SCUBE1: variants seen among roughly 807,000 people sequenced by gnomAD.
SCUBE1 encodes signal peptide, CUB and EGF-like domain-containing protein 1.
A neutral mutation model predicts 124.4 loss-of-function variants in SCUBE1; 59 were observed. That is an observed-to-expected ratio of 0.47 (90% CI 0.38 to 0.59). The LOEUF is 0.59. Ranked by LOEUF, SCUBE1 falls within the 20% of genes least tolerant of loss-of-function variation. The pLI, the probability that SCUBE1 is intolerant of heterozygous loss-of-function variation, is 0.00. For missense variants in SCUBE1, 1,150 were observed against 1,371.2 expected (o/e 0.84, Z 2.55); for synonymous variants, 545 against 550.9 (o/e 0.99, Z 0.15).
intron 5 of SCUBE1, among the ~76,000 whole-genome samples, chr22:43,261,462 C>T (rs1264605142): frequency 1.3e-5 from 2 of 152,194 alleles, no homozygotes; most frequent in African/African-American, 4.8e-5. Flanking sequence ...ATCTGGTACA[C>T]GTGGGTCCCC....
At chr22:43,241,312 C>T (rs879259631) in intron 6 of SCUBE1, among the ~76,000 whole-genome samples, 12 of 152,104 alleles carry the variant, frequency 7.9e-5, no homozygotes, top group Non-Finnish European at 1.3e-4. Context: ...GTGGTCACCA[C>T]GGGCTGGGCC....
At chr22:43,224,079 G>A (rs939584672) in intron 10 of SCUBE1, among the ~76,000 whole-genome samples, 1 of 152,236 alleles carries the variant, frequency 6.6e-6, no homozygotes, top group African/African-American at 2.4e-5. Flanking sequence ...CAGCTTTCTG[G>A]TTTCAGATAC....
intron 1 of SCUBE1, among the ~76,000 whole-genome samples, chr22:43,341,839 C>T (rs572440330): frequency 1.6e-4 from 24 of 152,140 alleles, no homozygotes; most frequent in African/African-American, 4.8e-4. Flanking sequence ...AGGGCTTCCA[C>T]GGAGAGGGTC....
At chr22:43,307,241 C>T (rs1926003660) in intron 3 of SCUBE1, among the ~76,000 whole-genome samples, 1 of 152,196 alleles carries the variant, frequency 6.6e-6, no homozygotes, top group South Asian at 2.1e-4. Flanking sequence ...CTGTACAGCT[C>T]AGAGAGGTCT....
intron 15 of SCUBE1, among the ~76,000 whole-genome samples, chr22:43,214,518 GC>G (rs1921723925): frequency 1.3e-5 from 2 of 152,218 alleles, no homozygotes; most frequent in Non-Finnish European, 2.9e-5. Context: ...GCTTATAGAA[GC>G]CTGTGGTCCC....
At chr22:43,290,550 G>A (rs73886574) in intron 4 of SCUBE1, among the ~76,000 whole-genome samples, 5,040 of 152,316 alleles carry the variant, frequency 0.033, 264 homozygotes, top group African/African-American at 0.12. Flanking sequence ...CCCCAGGCTG[G>A]CCTGCCACAC....
At chr22:43,232,841 C>T (rs1056545337) in intron 7 of SCUBE1, among the ~76,000 whole-genome samples, 1 of 152,194 alleles carries the variant, frequency 6.6e-6, no homozygotes, top group Non-Finnish European at 1.5e-5. Context: ...CCTTGTCGGG[C>T]CCATCTGGGC....
chr22:43,219,826 G>A (rs1922013767), intron 14 of SCUBE1, among the ~76,000 whole-genome samples: 1 of 152,074 alleles, frequency 6.6e-6, no homozygotes, highest in African/African-American at 2.4e-5. Context: ...TCAGTTCTAT[G>A]CATTGTTTGT....
chr22:43,252,634 CA>C (rs1923497551), intron 6 of SCUBE1, among the ~76,000 whole-genome samples: 1 of 152,200 alleles, frequency 6.6e-6, no homozygotes, highest in Non-Finnish European at 1.5e-5. Flanking sequence ...CCCACAGGCT[CA>C]GGATCTACTG....
intron 2 of SCUBE1, among the ~76,000 whole-genome samples, chr22:43,337,937 C>T (rs1472713533): frequency 1.5e-5 from 2 of 131,562 alleles, no homozygotes; most frequent in African/African-American, 5.0e-5. Context: ...AGTTACAAGA[C>T]CTGGATTTCA....
At position 43,211,771 on chromosome 22, in the gene SCUBE1, C is replaced by A. The variant is rs34112208; in HGVS notation, c.2221+654G>T. Among the ~76,000 whole-genome samples the A allele has an allele frequency of 0.076, 11,509 of 152,090 alleles. 799 individuals are homozygous for A. The highest frequency in any genetic ancestry group is 0.18 in the African/African-American group (7,281 of 41,434). On this transcript the variant is annotated intron_variant, in intron 17 of 21. Transcript: ENST00000360835. The surrounding 1 kb of genome is among the most constrained non-coding windows in gnomAD (Gnocchi z 4.5). ...ACTTCTGACCTCAGGTGATCCACCC[C>A]CTTTGGCCTCCCAAAGTGCTGGGAT...
chr22:43,213,853 C>T (rs778851771), intron 16 of SCUBE1, among the ~76,000 whole-genome samples: 32 of 151,896 alleles, frequency 2.1e-4, no homozygotes, highest in African/African-American at 7.3e-4. Flanking sequence ...TGCAGTGCAG[C>T]GCTCAGCACT....
At chr22:43,337,063 T>G (rs1927106424) in intron 2 of SCUBE1, among the ~76,000 whole-genome samples, 1 of 152,114 alleles carries the variant, frequency 6.6e-6, no homozygotes, top group Admixed American at 6.5e-5. Context: ...GCTGGAGAGA[T>G]AGGGAGACCC....
At chr22:43,299,314 C>T (rs1304588175) in intron 3 of SCUBE1, among the ~76,000 whole-genome samples, 1 of 152,150 alleles carries the variant, frequency 6.6e-6, no homozygotes, top group African/African-American at 2.4e-5. Context: ...CGGGTACGAA[C>T]GTACTCCAGT....
chr22:43,319,437 C>A (rs906098515), intron 3 of SCUBE1, among the ~76,000 whole-genome samples: 1 of 151,592 alleles, frequency 6.6e-6, no homozygotes, highest in African/African-American at 2.4e-5. Flanking sequence ...TGGTGGCACG[C>A]CTGTAATCCC....
chr22:43,253,542 T>C (rs1320574058), intron 6 of SCUBE1, among the ~76,000 whole-genome samples: 1 of 152,170 alleles, frequency 6.6e-6, no homozygotes, highest in African/African-American at 2.4e-5. Context: ...CCCACCCAGA[T>C]GCCTGGCACA....
At chr22:43,276,781 C>G (rs146514406) in intron 4 of SCUBE1, among the ~76,000 whole-genome samples, 4 of 152,326 alleles carry the variant, frequency 2.6e-5, no homozygotes, top group African/African-American at 9.6e-5. Context: ...GCTCTGCCCC[C>G]AACATGCTAA....
At position 43,291,899 on chromosome 22, in the gene SCUBE1, T is replaced by G. The variant is rs61358001; in HGVS notation, c.350-719A>C. Among the ~76,000 whole-genome samples, 657 of 152,258 alleles carry G rather than the reference T, an allele frequency of 4.3e-3. 9 individuals are homozygous for G. Among genetic ancestry groups the G allele is most frequent in the African/African-American group, 0.015 (620 of 41,542 alleles). ...TTAGGTGCGGAGGGGCAAAGTCACTTGTCTAAAGTCCTACGTATGGTAAGT... is the reference window on the plus strand; with the variant it reads ...TTAGGTGCGGAGGGGCAAAGTCACTGGTCTAAAGTCCTACGTATGGTAAGT... On this transcript the variant is annotated intron_variant, in intron 3 of 21. Coordinates refer to ENST00000360835, the MANE Select transcript of SCUBE1 (RefSeq NM_173050.5).
At position 43,273,792 on chromosome 22, in the gene SCUBE1, C is replaced by T. The variant is rs140796693; in HGVS notation, c.485-10947G>A. On this transcript the variant is annotated intron_variant, in intron 4 of 21. Transcript: ENST00000360835. ...TTCACCATGTTGTCCAGGCTGGTTT[C>T]GAACTCCTGGGCTCAAGCGATCCTC... Among the ~76,000 whole-genome samples, 1,467 of 152,014 alleles carry T rather than the reference C, an allele frequency of 9.7e-3. 21 individuals carry two copies. Among genetic ancestry groups the T allele is most frequent in the African/African-American group, 0.033 (1,384 of 41,450 alleles).
Sources: allele counts gnomAD v4.1 joint callset (sites outside exome capture counted in the v4.1 genomes callset), GRCh38; gene constraint gnomAD v4.1.1; non-coding constraint Gnocchi (gnomAD v3.1); transcripts MANE v1.5; gene names NCBI Gene and HGNC (gene_info 2026-07-23, HGNC 2026-07-21).